The following ADGRV1 variants were observed in gnomAD, a reference collection of about 807,000 sequenced individuals.
ADGRV1 encodes the protein adhesion G protein-coupled receptor V1.
ADGRV1 carries 359 observed loss-of-function variants against 596.2 expected under a neutral mutation model. The observed-to-expected ratio is 0.60, with a 90% CI of 0.55 to 0.66. The LOEUF (loss-of-function observed/expected upper bound fraction) is 0.66, where lower values mean the gene tolerates loss of function less well. Among genes scored for constraint, ADGRV1 ranks in the 30% least tolerant of loss-of-function variants. The pLI, the probability that ADGRV1 is intolerant of heterozygous loss-of-function variation, is 0.00. For missense variants in ADGRV1, 7,274 were observed against 7,575.6 expected (o/e 0.96, Z 1.48); for synonymous variants, 2,681 against 2,679.2 (o/e 1.00, Z -0.02).
chr5:91,024,727 C>T (rs1017897012), intron 85 of ADGRV1, among the ~76,000 whole-genome samples: 3 of 152,062 alleles, frequency 2.0e-5, no homozygotes, highest in Non-Finnish European at 4.4e-5. Flanking sequence ...GTTTAGAATG[C>T]GGCTTATTGC....
At position 90,815,656 on chromosome 5, in the gene ADGRV1, G is replaced by A; in HGVS notation, c.16116G>A (p.Glu5372=). 1 of 1,577,892 alleles carries A rather than the reference G, an allele frequency of 6.3e-7. No homozygotes were observed. Among genetic ancestry groups the A allele is most frequent in the South Asian group, 1.2e-5 (1 of 85,790 alleles). Residue 5372 remains glutamate, a synonymous_variant, in exon 75 of 90, where the codon GAG becomes GAA. Transcript: ENST00000405460. ...ACAATGGCATCATAGGATTCAGTGA[G>A]GAGTCCCAGAGTGGACTAGAACTCA... is the stretch of plus-strand genomic sequence containing the variant. The part of the protein sequence containing the change: ...DLHNGIIGFS[E]ESQSGLELRE...
chr5:91,015,001 T>C (rs187708607), intron 85 of ADGRV1, among the ~76,000 whole-genome samples: 1 of 152,086 alleles, frequency 6.6e-6, no homozygotes, highest in East Asian at 1.9e-4. Context: ...ATCTAACTTT[T>C]TGATGTGGGC....
intron 83 of ADGRV1, among the ~76,000 whole-genome samples, chr5:90,871,965 A>G (rs1768727308): frequency 6.6e-6 from 1 of 152,206 alleles, no homozygotes; most frequent in Admixed American, 6.5e-5. Context: ...GATCCGAGGA[A>G]GGAGATTTCA....
intron 89 of ADGRV1, among the ~76,000 whole-genome samples, chr5:91,158,137 T>C (rs1582256200): frequency 6.6e-6 from 1 of 152,246 alleles, no homozygotes; most frequent in Non-Finnish European, 1.5e-5. Flanking sequence ...ATGTATCTGA[T>C]AATTTTCTAC....
chr5:90,996,362 G>A (rs1192416595), intron 85 of ADGRV1, among the ~76,000 whole-genome samples: 1 of 152,172 alleles, frequency 6.6e-6, no homozygotes, highest in Non-Finnish European at 1.5e-5. Context: ...ATATGTCTCA[G>A]GCCACCGCTC....
intron 83 of ADGRV1, among the ~76,000 whole-genome samples, chr5:90,893,661 T>A (rs530097490): frequency 6.6e-6 from 1 of 152,230 alleles, no homozygotes; most frequent in East Asian, 1.9e-4. Context: ...TTTTAAAGCA[T>A]GTATGTATTT....
chr5:90,851,194 A>C (rs1182678897), intron 79 of ADGRV1, among the ~76,000 whole-genome samples: 2 of 148,554 alleles, frequency 1.3e-5, no homozygotes, highest in Non-Finnish European at 3.0e-5. Context: ...GATTTTAGAG[A>C]CATTATGTTG....
chr5:90,763,165 T>G lies in ADGRV1; in HGVS notation c.12121-140T>G, dbSNP rs62373966. 0.083 allele frequency: 64,495 copies of G among 774,754 alleles called. 5,510 individuals are homozygous for G. The highest frequency in any genetic ancestry group is 0.35 in the East Asian group (12,271 of 35,022). 48.0% of individuals were successfully genotyped at this position (774,754 alleles called of 1,614,324 possible). A position where few individuals can be genotyped will look rare whatever the true frequency, so the allele number is the denominator to read the frequency against. On this transcript the variant is annotated intron_variant, in intron 58 of 89. Coordinates refer to ENST00000405460, the MANE Select transcript of ADGRV1 (RefSeq NM_032119.4). ...GAAAGTGGGATTTGGTAAAAAAAAT[T>G]TTTCTGCCACATGATAATTACATGT...
intron 85 of ADGRV1, among the ~76,000 whole-genome samples, chr5:91,005,596 C>T (rs1157479369): frequency 1.3e-5 from 2 of 152,150 alleles, no homozygotes; most frequent in African/African-American, 4.8e-5. Context: ...GCTTATGCTG[C>T]ACTCTCCTAC....
chr5:90,912,593 A>C (rs1772989338), intron 83 of ADGRV1, among the ~76,000 whole-genome samples: 1 of 152,056 alleles, frequency 6.6e-6, no homozygotes, highest in Non-Finnish European at 1.5e-5. Flanking sequence ...TATGTCCATG[A>C]GTACCTAATG....
At chr5:90,725,260 T>C (rs1466428602) in intron 47 of ADGRV1, 28 bp downstream of exon 47, 1 of 1,188,972 alleles carries the variant, frequency 8.4e-7, no homozygotes, top group Non-Finnish European at 1.2e-6. Flanking sequence ...TTTAAATAGA[T>C]TACTTTCTTT....
At chr5:90,998,279 T>C (rs533349290) in intron 85 of ADGRV1, among the ~76,000 whole-genome samples, 11 of 152,336 alleles carry the variant, frequency 7.2e-5, no homozygotes, top group African/African-American at 1.9e-4. Flanking sequence ...CGGTGAGTGC[T>C]GCTGTACTAG....
At chr5:90,865,339 T>C (rs1033681353) in intron 83 of ADGRV1, among the ~76,000 whole-genome samples, 4 of 152,158 alleles carry the variant, frequency 2.6e-5, no homozygotes, top group African/African-American at 9.6e-5. Flanking sequence ...CCACCCACTC[T>C]GGTGATTTTT....
Position 90,728,772 on chromosome 5 carries a change from C to T in ADGRV1, c.10265C>T (p.Ala3422Val). Residue 3422 changes from alanine (A) to valine (V), a missense_variant, in exon 49 of 90, where the codon GCC (alanine) becomes GTC (valine). Transcript: ENST00000405460. The stretch of plus-strand genomic sequence containing the variant: ...AACAAGGGAGGCTCTGTGTTCTTAG[C>T]CATTTCCCAGGCTAATGCCAGGCTA... ...LFNKGGSVFLAISQANARLNS... is the reference protein window; with the variant it reads ...LFNKGGSVFLVISQANARLNS... 1 of 1,613,960 alleles carries T rather than the reference C, an allele frequency of 6.2e-7. No individual in the cohort carries two copies. Among genetic ancestry groups the T allele is most frequent in the South Asian group, 1.1e-5 (1 of 91,084 alleles).
intron 1 of ADGRV1, among the ~76,000 whole-genome samples, chr5:90,562,562 G>T (rs916889159): frequency 6.6e-6 from 1 of 152,134 alleles, no homozygotes; most frequent in Non-Finnish European, 1.5e-5. Flanking sequence ...GTCCCTCCCC[G>T]AGCTGCTGGG....
intron 87 of ADGRV1, among the ~76,000 whole-genome samples, chr5:91,116,441 A>G (rs907852926): frequency 1.3e-5 from 2 of 152,222 alleles, no homozygotes; most frequent in East Asian, 1.9e-4. Context: ...ACTGGTGTGT[A>G]TTAACATTAA....
chr5:91,026,578 G>A (rs528463437), intron 85 of ADGRV1, among the ~76,000 whole-genome samples: 32 of 152,160 alleles, frequency 2.1e-4, no homozygotes, highest in Non-Finnish European at 4.0e-4. Flanking sequence ...AGTTATGGAG[G>A]GAAAGTGGAA....
At chr5:90,825,385 G>A (rs1255562244) in intron 76 of ADGRV1, among the ~76,000 whole-genome samples, 2 of 152,136 alleles carry the variant, frequency 1.3e-5, no homozygotes, top group African/African-American at 2.4e-5. Context: ...GTTATATGCA[G>A]TGTTACAACT....
chr5:90,645,886 A>G lies in ADGRV1; in HGVS notation c.2899-82A>G, dbSNP rs577948030. 50 of 1,160,052 alleles carry G rather than the reference A, an allele frequency of 4.3e-5. No individual in the cohort carries two copies. The South Asian group carries it at 1.1e-3, about 25-fold the overall frequency. 71.9% of individuals were successfully genotyped at this position (1,160,052 alleles called of 1,614,324 possible). A position where few individuals can be genotyped will look rare whatever the true frequency, so the allele number is the denominator to read the frequency against. The stretch of plus-strand genomic sequence containing the variant: ...TGGTAGTGTTAATGGTGCTTTTTTA[A>G]AAAAACTGAATAATTTAAGAATATA... On this transcript the variant is annotated intron_variant, in intron 15 of 89. Transcript: ENST00000405460.
Sources: gnomAD v4.1 joint callset for allele counts (sites outside exome capture counted in the v4.1 genomes callset) on GRCh38, gnomAD v4.1.1 for gene constraint, MANE v1.5 for transcripts, NCBI Gene and HGNC (gene_info 2026-07-23, HGNC 2026-07-21) for gene names.